The following USP3 variants were observed in gnomAD, a reference collection of about 807,000 sequenced individuals.
USP3 encodes ubiquitin carboxyl-terminal hydrolase 3.
A neutral mutation model predicts 72.3 loss-of-function variants in USP3; 20 were observed. The ratio of observed to expected loss-of-function variants is 0.28; its 90% confidence interval spans 0.19 to 0.40. The LOEUF (loss-of-function observed/expected upper bound fraction) is 0.40, where lower values mean the gene tolerates loss of function less well. USP3 is among the 10% of genes least tolerant of loss of function. The pLI is 1.00. For missense variants in USP3, 479 were observed against 633.9 expected, an observed-to-expected ratio of 0.76 and a Z score of 2.62; for synonymous variants, 222 against 225.3, an observed-to-expected ratio of 0.99 and a Z score of 0.13.
chr15:63,545,540 A>T (rs1356222366), intron 3 of USP3, among the ~76,000 whole-genome samples: 1 of 151,218 alleles, frequency 6.6e-6, no homozygotes, highest in African/African-American at 2.4e-5. Flanking sequence ...CTTATCTAAC[A>T]TCTCTAATAT....
intron 1 of USP3, among the ~76,000 whole-genome samples, chr15:63,508,806 T>C (rs2065746615): frequency 2.0e-5 from 3 of 152,176 alleles, no homozygotes; most frequent in Non-Finnish European, 2.9e-5. Context: ...ATTAGAGATA[T>C]TTAGTAGGAT....
rs8023506 is a variant in USP3, at chr15:63,592,263, T to C, written c.*1437T>C. ...ACAGATTTAACTCAAAGATTCAAAT[T>C]TGGAACCAGAATCCCATTTAAAGAA... On this transcript the variant is annotated 3_prime_UTR_variant, in exon 15 of 15. Coordinates refer to ENST00000380324, the MANE Select transcript of USP3 (RefSeq NM_006537.4). The C allele has an allele frequency of 0.65, 97,808 of 151,328 alleles. 32,869 individuals are homozygous for C. The highest frequency in any genetic ancestry group is 0.73 in the Non-Finnish European group (49,439 of 67,900). 9.4% of individuals were successfully genotyped at this position (151,328 alleles called of 1,614,324 possible).
intron 3 of USP3, 31 bp downstream of exon 3, chr15:63,537,187 C>A: frequency 1.2e-6 from 2 of 1,605,778 alleles, no homozygotes; most frequent in Non-Finnish European, 1.7e-6. Context: ...AATGAGATTT[C>A]TTACTGTGTG....
chr15:63,557,989 G>A, intron 5 of USP3, 117 bp from the exon 6 acceptor site: 2 of 915,430 alleles, frequency 2.2e-6, no homozygotes, highest in East Asian at 4.9e-5. Context: ...GGACAGAAAA[G>A]GACCAATTCC....
intron 3 of USP3, among the ~76,000 whole-genome samples, chr15:63,538,289 T>A (rs1489798184): frequency 1.3e-5 from 2 of 152,300 alleles, no homozygotes; most frequent in East Asian, 3.9e-4. Flanking sequence ...AGAAGGTTGT[T>A]GACATTAAAG....
chr15:63,588,763 C>A lies in USP3; in HGVS notation c.1277C>A (p.Thr426Lys). 1.2e-6 allele frequency: 2 copies of A among 1,614,180 alleles called. No homozygotes were observed. Among genetic ancestry groups the A allele is most frequent in the Non-Finnish European group, 1.7e-6 (2 of 1,180,014 alleles). The change falls in exon 13 of 15, where the codon ACA becomes AAA. Residue 426 changes from threonine to lysine, a missense_variant. Thr to Lys is a moderately conservative substitution (Grantham distance 78). Coordinates refer to ENST00000380324, the MANE Select transcript of USP3 (RefSeq NM_006537.4). The surrounding 1 kb of genome is among the most constrained non-coding windows in gnomAD (Gnocchi z 4.6). ...GCATATTTAAGAAATAAAGTTGATA[C>A]ATACGTAGAATTTCCACTGAGAGGC... The part of the protein sequence containing the change: ...WTAYLRNKVD[T>K]YVEFPLRGLD...
chr15:63,521,762 G>A (rs1442923025), intron 1 of USP3, among the ~76,000 whole-genome samples: 2 of 152,164 alleles, frequency 1.3e-5, no homozygotes, highest in African/African-American at 4.8e-5. Context: ...ATGTTGAACT[G>A]TTGAGTGGCC....
At chr15:63,556,452 T>C in intron 4 of USP3, 1 of 417,534 alleles carries the variant, frequency 2.4e-6, no homozygotes, top group Non-Finnish European at 4.4e-6. Flanking sequence ...AGGAGCAGTG[T>C]CCAGCCCACC....
intron 2 of USP3, among the ~76,000 whole-genome samples, chr15:63,536,811 G>C (rs534102686): frequency 2.5e-3 from 379 of 151,480 alleles, no homozygotes; most frequent in Non-Finnish European, 4.2e-3. Flanking sequence ...CCAAGATCGT[G>C]CCACTGCACT....
rs745466471 is a variant in USP3, at chr15:63,504,845, G to T, written c.91+15G>T. 6 of 1,585,052 alleles carry T rather than the reference G, an allele frequency of 3.8e-6. No individual in the cohort carries two copies. Among genetic ancestry groups the T allele is most frequent in the Non-Finnish European group, 5.1e-6 (6 of 1,167,934 alleles). On this transcript the variant is annotated intron_variant, in intron 1 of 14. Transcript: ENST00000380324. ...GTGCTGCAGCGGTGAGTGCGGCCACGGGCCGGCCCCGCAGCGCACCCGAGG... is the reference window on the plus strand; with the variant it reads ...GTGCTGCAGCGGTGAGTGCGGCCACTGGCCGGCCCCGCAGCGCACCCGAGG...
intron 5 of USP3, among the ~76,000 whole-genome samples, chr15:63,557,680 G>A (rs1001358684): frequency 7.2e-5 from 11 of 152,178 alleles, no homozygotes; most frequent in Admixed American, 1.3e-4. Flanking sequence ...TGTATTGGTC[G>A]TTTATGTATG....
At chr15:63,555,838 G>T (rs2066498726) in intron 4 of USP3, among the ~76,000 whole-genome samples, 1 of 152,152 alleles carries the variant, frequency 6.6e-6, no homozygotes, top group African/African-American at 2.4e-5. Flanking sequence ...ATGTTTCAAA[G>T]ACATAATTCA....
intron 5 of USP3, 29 bp from the exon 6 acceptor site, chr15:63,558,077 C>T (rs767854122): frequency 1.2e-6 from 2 of 1,612,994 alleles, no homozygotes; most frequent in Admixed American, 1.7e-5. Context: ...CTTGGCATTA[C>T]TGATGGCCTC....
intron 1 of USP3, among the ~76,000 whole-genome samples, chr15:63,519,862 G>T (rs913217199): frequency 1.7e-4 from 26 of 151,402 alleles, no homozygotes; most frequent in African/African-American, 5.6e-4. Context: ...TAAGCACTCG[G>T]TTTTTTTTTA....
intron 5 of USP3, among the ~76,000 whole-genome samples, chr15:63,557,188 A>T (rs1189021721): frequency 6.6e-6 from 1 of 152,146 alleles, no homozygotes; most frequent in African/African-American, 2.4e-5. Flanking sequence ...CTCCTGCCAC[A>T]GCCTCCCAAG....
intron 9 of USP3, among the ~76,000 whole-genome samples, chr15:63,572,595 A>G (rs1483797754): frequency 6.6e-6 from 1 of 152,216 alleles, no homozygotes; most frequent in Non-Finnish European, 1.5e-5. Context: ...CTTTTCCTAG[A>G]AAAGGAATCA....
intron 1 of USP3, among the ~76,000 whole-genome samples, chr15:63,530,115 C>T (rs962818858): frequency 2.0e-5 from 3 of 152,046 alleles, no homozygotes; most frequent in East Asian, 1.9e-4. Context: ...CCAGCCTGGG[C>T]GACAGAGTGA....
At chr15:63,516,729 G>T (rs2065855206) in intron 1 of USP3, among the ~76,000 whole-genome samples, 1 of 151,060 alleles carries the variant, frequency 6.6e-6, no homozygotes. Context: ...ATTCTTTAAG[G>T]TATTCTTTTC....
intron 1 of USP3, among the ~76,000 whole-genome samples, chr15:63,525,727 T>C (rs371952508): frequency 9.8e-5 from 15 of 152,342 alleles, no homozygotes; most frequent in African/African-American, 3.6e-4. Flanking sequence ...GTCTTGCTTT[T>C]AAGCATCTAA....
Sources: gnomAD v4.1 joint callset for allele counts (sites outside exome capture counted in the v4.1 genomes callset) on GRCh38, gnomAD v4.1.1 for gene constraint, Gnocchi (gnomAD v3.1) non-coding constraint, MANE v1.5 for transcripts, NCBI Gene and HGNC (gene_info 2026-07-23, HGNC 2026-07-21) for gene names.